POLR3A: variants seen among roughly 807,000 people sequenced by gnomAD.
POLR3A encodes the protein RNA polymerase III subunit A, also known as DNA-directed RNA polymerase III subunit RPC1.
In POLR3A, 112 loss-of-function variants were observed where a neutral mutation model predicts 152.8. The ratio of observed to expected loss-of-function variants is 0.73; its 90% CI spans 0.63 to 0.86. The LOEUF is 0.86. POLR3A is among the 40% of genes least tolerant of loss of function. POLR3A has a pLI of 0.00. For synonymous variants in POLR3A, 615 were observed against 652.1 expected (o/e 0.94, Z 0.87); for missense variants, 1,385 against 1,743.1 (o/e 0.79, Z 3.66).
Position 77,982,409 on chromosome 10 carries a change from T to C in POLR3A, c.3595-91A>G, listed in dbSNP as rs1035096133. The C allele has an allele frequency of 6.4e-6, 8 of 1,253,772 alleles. No individual in the cohort carries two copies. The African/African-American group carries it at 1.0e-4, about 16-fold the overall frequency. The allele number at this position is 1,253,772 out of a possible 1,614,324, so 77.7% of individuals were successfully genotyped here. A position where few individuals can be genotyped will look rare whatever the true frequency, so the allele number is the denominator to read the frequency against. ...TCACCCCAGCTTTCAGCAGTGGTCATCTGTTAACACACTAGAGCTAGTTTT... is the reference window on the plus strand; with the variant it reads ...TCACCCCAGCTTTCAGCAGTGGTCACCTGTTAACACACTAGAGCTAGTTTT... On this transcript the variant is annotated intron_variant, in intron 27 of 30. Coordinates refer to ENST00000372371, the MANE Select transcript of POLR3A (RefSeq NM_007055.4).
At chr10:77,977,684 A>C (rs1847102886) in intron 30 of POLR3A, 58 bp from the exon 31 acceptor site, 1 of 1,447,868 alleles carries the variant, frequency 6.9e-7, no homozygotes, top group Admixed American at 1.7e-5. Flanking sequence ...CATTTTCACG[A>C]AGAAAGACTA....
chr10:78,003,324 T>G (rs1353762790), intron 16 of POLR3A, among the ~76,000 whole-genome samples: 3 of 152,190 alleles, frequency 2.0e-5, no homozygotes, highest in Non-Finnish European at 2.9e-5. Context: ...CTTTAGAAAA[T>G]GTATTTCATT....
chr10:77,984,262 G>A lies in POLR3A; in HGVS notation c.3279C>T (p.Asp1093=), dbSNP rs77540138. 1.2e-3 allele frequency: 1,940 copies of A among 1,613,010 alleles called. 16 individuals are homozygous for A. In the African/African-American group the frequency reaches 0.022, roughly 18 times the overall value. ...PIITAQLDKD[D]DADYARLVKG... ...TCACGAGGCGAGCATAATCCGCGTC[G>A]TCATCCTTGTCTAGCTGTGCTGTGA... Residue 1093 remains aspartate, a synonymous_variant, in exon 25 of 31, where the codon GAC becomes GAT. Coordinates refer to ENST00000372371, the MANE Select transcript of POLR3A (RefSeq NM_007055.4).
At chr10:78,024,152 T>C (rs1441910989) in intron 5 of POLR3A, among the ~76,000 whole-genome samples, 1 of 151,964 alleles carries the variant, frequency 6.6e-6, no homozygotes, top group Non-Finnish European at 1.5e-5. Context: ...TCACCTGTGG[T>C]CAGGAGTTCA....
At chr10:78,029,052 G>C (rs576747888) in intron 1 of POLR3A, among the ~76,000 whole-genome samples, 1 of 152,118 alleles carries the variant, frequency 6.6e-6, no homozygotes, top group African/African-American at 2.4e-5. Flanking sequence ...GGGATAGTTC[G>C]CTGAAGAACA....
Position 77,999,890 on chromosome 10 carries a change from A to G in POLR3A, c.2616+91T>C. ...AATTTAACCCAAGACTAGATAAATTACAGCTCATGTGCAAAACGTGTACTC... is the reference window on the plus strand; with the variant it reads ...AATTTAACCCAAGACTAGATAAATTGCAGCTCATGTGCAAAACGTGTACTC... On this transcript the variant is annotated intron_variant, in intron 19 of 30. Coordinates refer to ENST00000372371, the MANE Select transcript of POLR3A (RefSeq NM_007055.4). 3 of 1,265,048 alleles carry G rather than the reference A, an allele frequency of 2.4e-6. No homozygotes were observed. The South Asian group carries it at 3.7e-5, about 16-fold the overall frequency. The allele number at this position is 1,265,048 out of a possible 1,614,324, so 78.4% of individuals were successfully genotyped here.
intron 17 of POLR3A, among the ~76,000 whole-genome samples, chr10:78,001,886 A>ATCGGC (rs1847360760): frequency 1.5e-5 from 2 of 136,748 alleles, no homozygotes; most frequent in African/African-American, 7.3e-5. Flanking sequence ...TCAAGCAATC[A>ATCGGC]ATCGGCCTCG....
chr10:77,980,184 A>G lies in POLR3A; in HGVS notation c.3981T>C (p.His1327=), dbSNP rs1484503428. The change falls in exon 30 of 31, where the codon CAT becomes CAC. Residue 1327 remains histidine, a synonymous_variant. Coordinates refer to ENST00000372371, the MANE Select transcript of POLR3A (RefSeq NM_007055.4). ...MLASFEKTAD[H]LFDAAYFGQK... ...GCCCGAAGTAGGCAGCGTCAAAGAG[A>G]TGGTCAGCCGTCTTCTCAAAGGAGG... 1.2e-5 allele frequency: 20 copies of G among 1,614,020 alleles called. No individual in the cohort carries two copies. The highest frequency in any genetic ancestry group is 1.7e-5 in the Non-Finnish European group (20 of 1,179,918).
rs59548771 is a variant in POLR3A at position 78,024,370 on chromosome 10, CA to C, written c.645+178del. Among the ~76,000 whole-genome samples, 2,909 of 67,576 alleles carry C rather than the reference CA, an allele frequency of 0.043. 75 individuals are homozygous for C. The highest frequency in any genetic ancestry group is 0.1 in the African/African-American group (2,591 of 25,142). 44.3% of individuals were successfully genotyped at this position (67,576 alleles called of 152,430 possible). ...AAGAGCGAGACTCTGTCTTCCATCTCAAAAAAAAAAAAAAAAAAAGGAATTA... is the reference window on the plus strand; with the variant it reads ...AAGAGCGAGACTCTGTCTTCCATCTCAAAAAAAAAAAAAAAAAAGGAATTA... On this transcript the variant is annotated intron_variant, in intron 5 of 30. Transcript: ENST00000372371.
chr10:77,981,289 C>A, intron 29 of POLR3A, 139 bp downstream of exon 29: 1 of 901,416 alleles, frequency 1.1e-6, no homozygotes, highest in South Asian at 1.3e-5. Context: ...GGTTTTTGAG[C>A]AATGTTCACA....
chr10:77,975,787 T>C lies in POLR3A; in HGVS notation c.*1691A>G, dbSNP rs1201937828. 6 of 152,216 alleles carry C rather than the reference T, an allele frequency of 3.9e-5. No individual in the cohort carries two copies. The highest frequency in any genetic ancestry group is 1.4e-4 in the African/African-American group (6 of 41,430). 9.4% of individuals were successfully genotyped at this position (152,216 alleles called of 1,614,324 possible). A position where few individuals can be genotyped will look rare whatever the true frequency, so the allele number is the denominator to read the frequency against. ...CGGATCCCAGTGGTCCTGGCTCGGA[T>C]CAGGCCTACAGCTTACTTCCCAGGC... On this transcript the variant is annotated 3_prime_UTR_variant, in exon 31 of 31. Transcript: ENST00000372371.
At chr10:78,011,743 C>G (rs1170945316) in intron 11 of POLR3A, among the ~76,000 whole-genome samples, 1 of 152,104 alleles carries the variant, frequency 6.6e-6, no homozygotes, top group East Asian at 1.9e-4. Context: ...GTAATTTGGG[C>G]CCACATCCAA....
In POLR3A at chr10:78,021,560, T is replaced by A; in HGVS notation, c.1171A>T (p.Thr391Ser). 1 of 1,614,010 alleles carries A rather than the reference T, an allele frequency of 6.2e-7. No homozygotes were observed. Among genetic ancestry groups the A allele is most frequent in the South Asian group, 1.1e-5 (1 of 91,074 alleles). ...AVPVHVAKILTFPEKVNKANI... is the reference protein window; with the variant it reads ...AVPVHVAKILSFPEKVNKANI... ...TGGTCACTTACCTTCTCAGGAAAAGTTAGAATTTTGGCCACATGAACTGGC... is the reference window on the plus strand; with the variant it reads ...TGGTCACTTACCTTCTCAGGAAAAGATAGAATTTTGGCCACATGAACTGGC... Residue 391 changes from threonine to serine, a missense_variant, in exon 8 of 31, where the codon ACT becomes TCT. By Grantham distance (58) the Thr-to-Ser change is moderately conservative (BLOSUM62 1). Transcript: ENST00000372371.
chr10:77,977,427 T>G lies in POLR3A; in HGVS notation c.*51A>C, dbSNP rs766558303. On this transcript the variant is annotated 3_prime_UTR_variant, in exon 31 of 31. Transcript: ENST00000372371. ...AGCACAAAACTCTTTATACATCAGC[T>G]GGAGACAGGACAAGGAGTCAAGGTC... 6.3e-7 allele frequency: 1 copy of G among 1,596,286 alleles called. No individual in the cohort carries two copies. Among genetic ancestry groups the G allele is most frequent in the Non-Finnish European group, 8.6e-7 (1 of 1,164,424 alleles).
rs546528955 is a variant in POLR3A at position 77,987,529 on chromosome 10, G to A, written c.2902-1370C>T. 4.6e-5 allele frequency among the ~76,000 whole-genome samples: 7 copies of A among 152,234 alleles called. No homozygotes were observed. The East Asian group carries it at 1.2e-3, about 25-fold the overall frequency. On this transcript the variant is annotated intron_variant, in intron 21 of 30. Transcript: ENST00000372371. ...TGGGGTAGGCTGAGGGTCCCCCAGA[G>A]AGAAGGCCAGCATGCCCTGCCCAAA...
chr10:78,019,057 G>T (rs2131956325), intron 9 of POLR3A, 105 bp downstream of exon 9: 1 of 838,606 alleles, frequency 1.2e-6, no homozygotes, highest in Non-Finnish European at 2.1e-6. Context: ...ATGCCAAAAT[G>T]TCACGCAAAC....
At chr10:78,017,011 A>C (rs959976347) in intron 10 of POLR3A, among the ~76,000 whole-genome samples, 11 of 152,120 alleles carry the variant, frequency 7.2e-5, no homozygotes, top group South Asian at 2.1e-4. Flanking sequence ...TTTTGTATGA[A>C]TATTACGTTG....
intron 20 of POLR3A, 111 bp downstream of exon 20, chr10:77,993,086 T>G: frequency 1.2e-6 from 1 of 858,354 alleles, no homozygotes; most frequent in South Asian, 1.3e-5. Context: ...GTGCTTGGGA[T>G]TATAAATACT....
At chr10:78,016,407 TA>T (rs1316077072) in intron 10 of POLR3A, among the ~76,000 whole-genome samples, 13 of 134,926 alleles carry the variant, frequency 9.6e-5, no homozygotes, top group African/African-American at 3.5e-4. Context: ...CAGCTCCACT[TA>T]TTAAAAAAAA....
Sources: gnomAD v4.1 joint callset for allele counts (sites outside exome capture counted in the v4.1 genomes callset) on GRCh38, gnomAD v4.1.1 for gene constraint, MANE v1.5 for transcripts, NCBI Gene and HGNC (gene_info 2026-07-23, HGNC 2026-07-21) for gene names.